Variants in FAF1 observed in about 807,000 individuals in gnomAD.
The protein encoded by FAF1 is Fas associated factor 1, also known as FAS-associated factor 1.
Under a neutral mutation model 92.5 loss-of-function variants are expected in FAF1, and 25 were observed. The ratio of observed to expected loss-of-function variants is 0.27; its 90% confidence interval spans 0.20 to 0.38. The LOEUF (loss-of-function observed/expected upper bound fraction) is 0.38, where lower values mean the gene tolerates loss of function less well. FAF1 is among the 10% of genes least tolerant of loss of function. FAF1 has a pLI of 1.00. For synonymous variants in FAF1, 234 were observed against 273.2 expected, an observed-to-expected ratio of 0.86 and a Z score of 1.42; for missense variants, 636 against 793.3, an observed-to-expected ratio of 0.80 and a Z score of 2.38.
intron 4 of FAF1, among the ~76,000 whole-genome samples, chr1:50,747,125 C>A (rs1489630274): frequency 6.6e-6 from 1 of 152,206 alleles, no homozygotes; most frequent in East Asian, 1.9e-4. Flanking sequence ...TGGACCCCCA[C>A]ACACACAGTC....
At chr1:50,774,747 T>C (rs1472459011) in intron 4 of FAF1, among the ~76,000 whole-genome samples, 2 of 152,120 alleles carry the variant, frequency 1.3e-5, no homozygotes, top group Non-Finnish European at 2.9e-5. Context: ...CATTGCTAGA[T>C]CTTAGAGATC....
chr1:50,458,951 C>G (rs1357540101), intron 18 of FAF1, among the ~76,000 whole-genome samples: 1 of 151,676 alleles, frequency 6.6e-6, no homozygotes, highest in Non-Finnish European at 1.5e-5. Context: ...AGAACTCAGT[C>G]TCCCCTGCCC....
intron 17 of FAF1, among the ~76,000 whole-genome samples, chr1:50,478,783 CTT>C (rs1287646758): frequency 6.6e-6 from 1 of 152,062 alleles, no homozygotes; most frequent in African/African-American, 2.4e-5. Context: ...ATATTTGAAA[CTT>C]TTTTCAAAAT....
chr1:50,920,062 G>A (rs555861912), intron 1 of FAF1, among the ~76,000 whole-genome samples: 7 of 152,202 alleles, frequency 4.6e-5, no homozygotes, highest in African/African-American at 1.2e-4. Flanking sequence ...CACTTTGGGA[G>A]GCTGAGTCAG....
At chr1:50,461,333 T>A (rs1291377053) in intron 18 of FAF1, 1 of 152,186 alleles carries the variant, frequency 6.6e-6, no homozygotes, top group African/African-American at 2.4e-5. Flanking sequence ...GCCAGGATGA[T>A]CTTCTCCTGT....
intron 8 of FAF1, among the ~76,000 whole-genome samples, chr1:50,611,601 G>A (rs866442463): frequency 6.6e-6 from 1 of 152,182 alleles, no homozygotes; most frequent in South Asian, 2.1e-4. Flanking sequence ...GGAAACATGA[G>A]ATGATGATGG....
At chr1:50,473,028 C>A (rs1314045939) in intron 18 of FAF1, among the ~76,000 whole-genome samples, 3 of 152,122 alleles carry the variant, frequency 2.0e-5, no homozygotes, top group Non-Finnish European at 2.9e-5. Context: ...TTTGGACCAG[C>A]CTCTGTTCAT....
At chr1:50,451,796 A>C (rs1246907439) in intron 18 of FAF1, 26 of 983,810 alleles carry the variant, frequency 2.6e-5, no homozygotes, top group African/African-American at 3.5e-5. Flanking sequence ...AACTTACCCA[A>C]GTTTATTCAG....
intron 9 of FAF1, among the ~76,000 whole-genome samples, 177 bp downstream of exon 9, chr1:50,595,944 A>G (rs1289843560): frequency 6.6e-6 from 1 of 152,186 alleles, no homozygotes; most frequent in Non-Finnish European, 1.5e-5. Flanking sequence ...AGCGAGAAGG[A>G]GCACATTAGT....
intron 4 of FAF1, among the ~76,000 whole-genome samples, chr1:50,764,032 A>G (rs1423392453): frequency 2.0e-5 from 3 of 152,210 alleles, no homozygotes; most frequent in Non-Finnish European, 4.4e-5. Flanking sequence ...AGGAGGAGAT[A>G]TAAGAATCCA....
chr1:50,530,995 A>C (rs1261697759), intron 15 of FAF1, among the ~76,000 whole-genome samples: 1 of 152,210 alleles, frequency 6.6e-6, no homozygotes, highest in Non-Finnish European at 1.5e-5. Flanking sequence ...CAAACAACAA[A>C]GCCAACAATT....
intron 1 of FAF1, among the ~76,000 whole-genome samples, chr1:50,949,658 T>C (rs1645198499): frequency 6.6e-6 from 1 of 152,248 alleles, no homozygotes; most frequent in South Asian, 2.1e-4. Context: ...CGTGCACGAC[T>C]ATATTCCAGT....
intron 17 of FAF1, 131 bp from the exon 18 acceptor site, chr1:50,475,810 C>CA: frequency 1.8e-6 from 1 of 563,580 alleles, no homozygotes; most frequent in Non-Finnish European, 3.1e-6. Flanking sequence ...ATTTATTAGC[C>CA]AAGCCAAATG....
chr1:50,699,480 TATTAC>T (rs754140967), intron 7 of FAF1, among the ~76,000 whole-genome samples: 180 of 152,270 alleles, frequency 1.2e-3, no homozygotes, highest in Admixed American at 4.8e-3. Flanking sequence ...TAATGTACTT[TATTAC>T]ATTACATATT....
At chr1:50,510,155 G>A (rs1402807848) in intron 15 of FAF1, among the ~76,000 whole-genome samples, 2 of 135,746 alleles carry the variant, frequency 1.5e-5, no homozygotes, top group Non-Finnish European at 3.1e-5. Flanking sequence ...GACAGAACGA[G>A]ACTCTGTCTC....
intron 1 of FAF1, among the ~76,000 whole-genome samples, chr1:50,913,513 A>C (rs1644900528): frequency 2.6e-5 from 4 of 152,232 alleles, no homozygotes; most frequent in Non-Finnish European, 4.4e-5. Context: ...TCAAGATGTT[A>C]ACATCAAAAA....
chr1:50,680,692 A>T (rs1656382396), intron 7 of FAF1, among the ~76,000 whole-genome samples: 1 of 151,018 alleles, frequency 6.6e-6, no homozygotes, highest in African/African-American at 2.5e-5. Flanking sequence ...CCAAAAAAAA[A>T]AAGAAAGAAA....
At chr1:50,554,390 T>TATATATAGAGAGAGAGAGAG in intron 13 of FAF1, among the ~76,000 whole-genome samples, 9 of 93,686 alleles carry the variant, frequency 9.6e-5, no homozygotes, top group African/African-American at 3.8e-4. Context: ...TATATATATA[T>TATATATAGAGAGAGAGAGAG]AGAGAGAGAG....
rs370998026 is a variant in FAF1, at chr1:50,452,402, G to T, written c.1870-10879C>A. Reference sequence around the variant, plus strand: ...GATACTGATTCTTCTCAACTCTTGGGGCAGCCAGGAACCTCAGAGCTGGGT... The same window carrying T: ...GATACTGATTCTTCTCAACTCTTGGTGCAGCCAGGAACCTCAGAGCTGGGT... On this transcript the variant is annotated intron_variant, in intron 18 of 18. Coordinates refer to ENST00000396153, the MANE Select transcript of FAF1 (RefSeq NM_007051.3). Among the ~76,000 whole-genome samples the T allele has an allele frequency of 7.2e-5, 11 of 152,240 alleles. 1 individual carries two copies. The highest frequency in any genetic ancestry group is 2.6e-4 in the African/African-American group (11 of 41,532).
Sources: gnomAD v4.1 joint callset for allele counts (sites outside exome capture counted in the v4.1 genomes callset) on GRCh38, gnomAD v4.1.1 for gene constraint, MANE v1.5 for transcripts, NCBI Gene and HGNC (gene_info 2026-07-23, HGNC 2026-07-21) for gene names.